NRG1: variants seen among roughly 807,000 people sequenced by gnomAD.
The protein encoded by NRG1 is pro-neuregulin-1, membrane-bound isoform.
In NRG1, 18 loss-of-function variants were observed where a neutral mutation model predicts 63.8. The observed-to-expected ratio is 0.28, with a 90% CI of 0.19 to 0.42. NRG1 has a LOEUF of 0.42. Ranked by LOEUF, NRG1 falls within the 10% of genes least tolerant of loss-of-function variation. The pLI, the probability that NRG1 is intolerant of heterozygous loss-of-function variation, is 1.00. For missense variants in NRG1, 762 were observed against 814.7 expected (o/e 0.94, Z 0.79); for synonymous variants, 302 against 301.3 (o/e 1.00, Z -0.02).
chr8:32,322,326 G>A (rs970796600), intron 1 of NRG1, among the ~76,000 whole-genome samples: 6 of 149,756 alleles, frequency 4.0e-5, no homozygotes, highest in African/African-American at 9.8e-5. Flanking sequence ...ACTAAATAAC[G>A]ATAAACCTTA....
intron 1 of NRG1, among the ~76,000 whole-genome samples, chr8:32,029,906 T>C (rs1818002591): frequency 6.6e-6 from 1 of 152,106 alleles, no homozygotes; most frequent in African/African-American, 2.4e-5. Flanking sequence ...GTATTCAGCT[T>C]TGTATTATCA....
In NRG1 at chr8:32,742,198, A is replaced by C; in HGVS notation, c.633-477A>C. On this transcript the variant is annotated intron_variant, in intron 6 of 11. Transcript: ENST00000356819. The surrounding 1 kb of genome is among the most constrained non-coding windows in gnomAD (Gnocchi z 4.2). Reference sequence around the variant, plus strand: ...TGTTCTAATTATGGCTTAACCTCTCAAGGCATAAACCCATTCAGTGTTACC... The same window carrying C: ...TGTTCTAATTATGGCTTAACCTCTCCAGGCATAAACCCATTCAGTGTTACC... 20 of 798,296 alleles carry C rather than the reference A, an allele frequency of 2.5e-5. No homozygotes were observed. Among genetic ancestry groups the C allele is most frequent in the Non-Finnish European group, 4.0e-5 (19 of 475,784 alleles). 49.5% of individuals were successfully genotyped at this position (798,296 alleles called of 1,614,324 possible). A position where few individuals can be genotyped will look rare whatever the true frequency, so the allele number is the denominator to read the frequency against.
intron 1 of NRG1, among the ~76,000 whole-genome samples, chr8:32,448,194 T>C (rs1416882340): frequency 6.6e-6 from 1 of 152,172 alleles, no homozygotes; most frequent in Non-Finnish European, 1.5e-5. Flanking sequence ...AAATCTAACC[T>C]AAGTAAATGT....
At chr8:32,628,305 TTTCTC>T (rs1331950268) in intron 5 of NRG1, among the ~76,000 whole-genome samples, 1 of 152,226 alleles carries the variant, frequency 6.6e-6, no homozygotes, top group African/African-American at 2.4e-5. Flanking sequence ...ATTTTGTACA[TTTCTC>T]TTATTTGATC....
intron 1 of NRG1, among the ~76,000 whole-genome samples, chr8:32,322,567 C>T (rs1045088961): frequency 6.6e-6 from 1 of 152,040 alleles, no homozygotes; most frequent in Admixed American, 6.6e-5. Context: ...ATATCCTGCA[C>T]ATTGGCTTCA....
chr8:32,409,245 A>C (rs901481864), intron 1 of NRG1, among the ~76,000 whole-genome samples: 2 of 152,144 alleles, frequency 1.3e-5, no homozygotes, highest in African/African-American at 4.8e-5. Context: ...CCATATGCAA[A>C]AATTCACTCA....
In NRG1 at chr8:31,838,534, C is replaced by A. The variant is rs375178284; in HGVS notation, c.37+199103C>A. On this transcript the variant is annotated intron_variant, in intron 1 of 10. Coordinates refer to the NRG1 transcript ENST00000519301. ...TTAAAGTTCAAGATTGATTTAGAGA[C>A]TTTCGAAAAGCATTGAATCTTTCTA... Among the ~76,000 whole-genome samples, 10 of 152,192 alleles carry A rather than the reference C, an allele frequency of 6.6e-5. No individual in the cohort carries two copies. In the East Asian group the frequency reaches 9.6e-4, roughly 15 times the overall value.
intron 1 of NRG1, among the ~76,000 whole-genome samples, chr8:32,232,828 T>A (rs1847100896): frequency 6.6e-6 from 1 of 152,308 alleles, no homozygotes; most frequent in African/African-American, 2.4e-5. Context: ...AAATTTCTTC[T>A]GTACTTTTTT....
At chr8:31,705,339 C>A (rs1343607993) in intron 1 of NRG1, among the ~76,000 whole-genome samples, 2 of 152,082 alleles carry the variant, frequency 1.3e-5, no homozygotes, top group African/African-American at 2.4e-5. Context: ...AGCCACCGCG[C>A]CCCAGCCTGT....
intron 1 of NRG1, chr8:32,442,781 G>A (rs1409646200): frequency 6.6e-6 from 1 of 152,156 alleles, no homozygotes; most frequent in Non-Finnish European, 1.5e-5. Flanking sequence ...GTTTTTCAGA[G>A]TACTGTCAAG....
At chr8:32,094,913 ATT>A (rs35516200) in intron 1 of NRG1, among the ~76,000 whole-genome samples, 3,960 of 133,210 alleles carry the variant, frequency 0.03, 82 homozygotes, top group South Asian at 0.11. Context: ...TAATTTCAGC[ATT>A]TTTTTTTTTT....
intron 1 of NRG1, among the ~76,000 whole-genome samples, chr8:32,300,834 T>C (rs1011094143): frequency 6.6e-6 from 1 of 152,244 alleles, no homozygotes; most frequent in African/African-American, 2.4e-5. Flanking sequence ...TATGGTTGTA[T>C]ATTCTGCTTT....
intron 1 of NRG1, among the ~76,000 whole-genome samples, chr8:32,293,799 A>G (rs924036276): frequency 1.4e-5 from 2 of 142,272 alleles, no homozygotes; most frequent in Non-Finnish European, 3.0e-5. Flanking sequence ...AGCTCACTGC[A>G]ACATCTGCTT....
At chr8:32,068,213 A>G (rs1207042701) in intron 1 of NRG1, among the ~76,000 whole-genome samples, 1 of 152,224 alleles carries the variant, frequency 6.6e-6, no homozygotes, top group Admixed American at 6.5e-5. Flanking sequence ...TCTGTAAAAT[A>G]TGAAAGAAAG....
intron 1 of NRG1, among the ~76,000 whole-genome samples, chr8:32,135,474 G>A (rs1047364519): frequency 1.3e-5 from 2 of 151,966 alleles, no homozygotes; most frequent in South Asian, 2.1e-4. Context: ...GAGGAGGCAA[G>A]ATTTGTTAAA....
At chr8:32,112,437 A>G (rs894910240) in intron 1 of NRG1, among the ~76,000 whole-genome samples, 14 of 152,222 alleles carry the variant, frequency 9.2e-5, no homozygotes, top group African/African-American at 3.4e-4. Context: ...TTCATTTCGA[A>G]GTAAGAGTTG....
intron 1 of NRG1, among the ~76,000 whole-genome samples, chr8:32,215,708 G>T (rs924199975): frequency 3.3e-5 from 5 of 152,120 alleles, no homozygotes; most frequent in African/African-American, 1.2e-4. Flanking sequence ...GAAAATTTTT[G>T]ACTTTGTTTA....
At chr8:31,679,597 A>AT (rs1420661980) in intron 1 of NRG1, among the ~76,000 whole-genome samples, 1 of 152,164 alleles carries the variant, frequency 6.6e-6, no homozygotes, top group Non-Finnish European at 1.5e-5. Flanking sequence ...AGCAAACATG[A>AT]TATTTATTGG....
At chr8:32,255,270 C>T (rs1283242350) in intron 1 of NRG1, among the ~76,000 whole-genome samples, 1 of 152,272 alleles carries the variant, frequency 6.6e-6, no homozygotes, top group East Asian at 1.9e-4. Context: ...TTAGTTGATG[C>T]AGTTTCTTCA....
Sources: allele counts gnomAD v4.1 joint callset (sites outside exome capture counted in the v4.1 genomes callset), GRCh38; gene constraint gnomAD v4.1.1; non-coding constraint Gnocchi (gnomAD v3.1); transcripts MANE v1.5; gene names NCBI Gene and HGNC (gene_info 2026-07-23, HGNC 2026-07-21).